Variants in SYNE2 observed in about 807,000 individuals in gnomAD.
SYNE2 encodes spectrin repeat containing nuclear envelope protein 2.
SYNE2 carries 431 observed loss-of-function variants against 856.3 expected under a neutral mutation model. The observed-to-expected ratio is 0.50, with a 90% CI of 0.47 to 0.55. The LOEUF (loss-of-function observed/expected upper bound fraction) is 0.55, where lower values mean the gene tolerates loss of function less well. Among genes scored for constraint, SYNE2 ranks in the 20% least tolerant of loss-of-function variants. SYNE2 has a pLI of 0.00. For synonymous variants in SYNE2, 2,923 were observed against 2,872.3 expected, an observed-to-expected ratio of 1.02 and a Z score of -0.56; for missense variants, 8,129 against 8,023.2, an observed-to-expected ratio of 1.01 and a Z score of -0.50.
chr14:64,221,433 G>C, intron 111 of SYNE2, 143 bp from the exon 112 acceptor site: 1 of 1,497,254 alleles, frequency 6.7e-7, no homozygotes. Flanking sequence ...CTGGCATTTA[G>C]TTTAAAGCTG....
At chr14:63,814,794 ATAT>A in intron 1 of SYNE2, among the ~76,000 whole-genome samples, 6 of 128,576 alleles carry the variant, frequency 4.7e-5, no homozygotes, top group Admixed American at 8.7e-5. Flanking sequence ...ATATCCATAT[ATAT>A]CCATATATAT....
At chr14:64,178,319 A>T (rs952404404) in intron 96 of SYNE2, among the ~76,000 whole-genome samples, 1 of 152,262 alleles carries the variant, frequency 6.6e-6, no homozygotes, top group Non-Finnish European at 1.5e-5. Flanking sequence ...CTAAAAAATT[A>T]AAAAGTATAC....
At chr14:63,995,521 G>A (rs879547032) in intron 23 of SYNE2, among the ~76,000 whole-genome samples, 16 of 152,192 alleles carry the variant, frequency 1.1e-4, no homozygotes, top group Admixed American at 2.6e-4. Flanking sequence ...AGGACACAGT[G>A]TCCTCAGAAG....
chr14:64,212,790 T>C (rs2098648095), intron 104 of SYNE2, 21 bp from the exon 105 acceptor site: 2 of 1,613,140 alleles, frequency 1.2e-6, no homozygotes, highest in African/African-American at 2.7e-5. Flanking sequence ...TTGAAATCCT[T>C]TCTTTCTCCT....
intron 71 of SYNE2, 79 bp downstream of exon 71, chr14:64,125,289 A>G: frequency 1.3e-6 from 2 of 1,589,502 alleles, no homozygotes; most frequent in Non-Finnish European, 1.7e-6. Flanking sequence ...CTTGGTCATA[A>G]TTGTCGTCAC....
At chr14:63,899,207 G>GTT (rs35398211) in intron 1 of SYNE2, among the ~76,000 whole-genome samples, 24 of 146,506 alleles carry the variant, frequency 1.6e-4, no homozygotes, top group Non-Finnish European at 3.0e-4. Context: ...TCATCCTTAA[G>GTT]TTTTTTTTTT....
At chr14:64,224,015 G>A (rs1296267060) in intron 113 of SYNE2, among the ~76,000 whole-genome samples, 1 of 152,006 alleles carries the variant, frequency 6.6e-6, no homozygotes, top group African/African-American at 2.4e-5. Context: ...AAAGTCTGTT[G>A]TTGTTGGGAG....
chr14:64,102,532 G>A lies in SYNE2; in HGVS notation c.12492+490G>A, dbSNP rs1171645052. On this transcript the variant is annotated intron_variant, in intron 64 of 115. Coordinates refer to ENST00000555002, the MANE Select transcript of SYNE2 (RefSeq NM_182914.3). ...TTTTTTTTTTTTTTTTTTTTTAGCT[G>A]ACAACCATTGTATATATTTATGGTA... 3.2e-5 allele frequency among the ~76,000 whole-genome samples: 4 copies of A among 123,650 alleles called. No homozygotes were observed. The East Asian group carries it at 9.2e-4, about 28-fold the overall frequency. 81.1% of individuals were successfully genotyped at this position (123,650 alleles called of 152,430 possible). A position where few individuals can be genotyped will look rare whatever the true frequency, so the allele number is the denominator to read the frequency against.
At chr14:63,827,920 C>T (rs1197035525) in intron 1 of SYNE2, among the ~76,000 whole-genome samples, 2 of 150,976 alleles carry the variant, frequency 1.3e-5, no homozygotes, top group Non-Finnish European at 1.5e-5. Context: ...GGGCTGGGCA[C>T]AGTGGCTCAT....
intron 1 of SYNE2, among the ~76,000 whole-genome samples, chr14:63,766,254 A>G (rs1476489855): frequency 6.6e-6 from 1 of 151,494 alleles, no homozygotes; most frequent in Non-Finnish European, 1.5e-5. Context: ...AATTTTTTGT[A>G]TTTTTAGTGG....
chr14:64,148,038 G>A (rs527383502), intron 84 of SYNE2, among the ~76,000 whole-genome samples: 20 of 152,248 alleles, frequency 1.3e-4, no homozygotes, highest in Non-Finnish European at 2.2e-4. Context: ...AAGGCCGGGC[G>A]CAGTGGCTCA....
chr14:64,183,433 T>A (rs1423036983), intron 96 of SYNE2, among the ~76,000 whole-genome samples: 23 of 143,542 alleles, frequency 1.6e-4, no homozygotes, highest in Admixed American at 1.5e-3. Context: ...CTTCCCAGAC[T>A]GGGCAGCCAG....
intron 2 of SYNE2, among the ~76,000 whole-genome samples, chr14:63,911,000 A>G (rs2150288): frequency 0.56 from 84,390 of 151,902 alleles, 24,206 homozygotes; most frequent in South Asian, 0.73. Flanking sequence ...TTTCTGTTCA[A>G]TGGCTCCCTA....
intron 1 of SYNE2, among the ~76,000 whole-genome samples, chr14:63,797,890 A>G (rs1425782345): frequency 6.6e-6 from 1 of 152,264 alleles, no homozygotes; most frequent in East Asian, 1.9e-4. Flanking sequence ...TAAACATTAG[A>G]ACCAGTCATG....
At position 64,219,143 on chromosome 14, in the gene SYNE2, T is replaced by G. The variant is rs17101720; in HGVS notation, c.19658-65T>G. The G allele has an allele frequency of 0.017, 19,331 of 1,140,930 alleles. 211 individuals carry two copies. The highest frequency in any genetic ancestry group is 0.034 in the Middle Eastern group (154 of 4,514). The allele number at this position is 1,140,930 out of a possible 1,614,324, so 70.7% of individuals were successfully genotyped here. A position where few individuals can be genotyped will look rare whatever the true frequency, so the allele number is the denominator to read the frequency against. ...TTTTTTTAACCACCCTGACCCCTAA[T>G]TAGCTGGAGGCAGAGAAATCTGTTG... On this transcript the variant is annotated intron_variant, in intron 109 of 115. Transcript: ENST00000555002.
At chr14:63,949,734 G>A in intron 6 of SYNE2, 91 bp from the exon 7 acceptor site, 2 of 1,271,648 alleles carry the variant, frequency 1.6e-6, no homozygotes, top group Non-Finnish European at 2.3e-6. Flanking sequence ...GTCACAGGAT[G>A]CTTTTTAGGT....
intron 7 of SYNE2, among the ~76,000 whole-genome samples, chr14:63,954,517 T>G (rs1038915644): frequency 3.3e-5 from 5 of 152,224 alleles, no homozygotes; most frequent in Admixed American, 2.0e-4. Flanking sequence ...AAACAAATTT[T>G]GAGAATCAGT....
intron 100 of SYNE2, among the ~76,000 whole-genome samples, chr14:64,204,917 ATT>A (rs979506718): frequency 6.6e-6 from 1 of 152,076 alleles, no homozygotes; most frequent in East Asian, 1.9e-4. Context: ...GGGAGAATCC[ATT>A]TTTTTGCTTT....
At chr14:63,876,498 T>TC (rs1463567757) in intron 1 of SYNE2, among the ~76,000 whole-genome samples, 1 of 151,608 alleles carries the variant, frequency 6.6e-6, no homozygotes, top group Non-Finnish European at 1.5e-5. Context: ...ATGTTCCTTT[T>TC]TTTTTTTGAG....
Sources: gnomAD v4.1 joint callset for allele counts (sites outside exome capture counted in the v4.1 genomes callset) on GRCh38, gnomAD v4.1.1 for gene constraint, MANE v1.5 for transcripts, NCBI Gene and HGNC (gene_info 2026-07-23, HGNC 2026-07-21) for gene names.